SLC45A4: variants seen among roughly 807,000 people sequenced by gnomAD.
The protein encoded by SLC45A4 is polyamine-transporter SLC45A4.
Under a neutral mutation model 63.7 loss-of-function variants are expected in SLC45A4, and 32 were observed. The observed-to-expected ratio is 0.50, with a 90% CI of 0.38 to 0.67. The LOEUF is 0.67. SLC45A4 is among the 30% of genes least tolerant of loss of function. SLC45A4 has a pLI of 0.00. For missense variants in SLC45A4, 1,027 were observed against 1,157.7 expected, an observed-to-expected ratio of 0.89 and a Z score of 1.64; for synonymous variants, 535 against 510.0, an observed-to-expected ratio of 1.05 and a Z score of -0.66.
intron 2 of SLC45A4, among the ~76,000 whole-genome samples, chr8:141,244,953 T>TGGGGGGG (rs1332452740): frequency 3.6e-5 from 1 of 27,756 alleles, no homozygotes; most frequent in Non-Finnish European, 6.1e-5. Context: ...CAAGAAGACG[T>TGGGGGGG]GGGTGGGGGG....
At chr8:141,276,803 T>C (rs7823505) in intron 1 of SLC45A4, among the ~76,000 whole-genome samples, 1,847 of 152,316 alleles carry the variant, frequency 0.012, 35 homozygotes, top group African/African-American at 0.042. Context: ...CTCTACTTCT[T>C]GTCTGGGTAG....
chr8:141,228,350 G>A lies in SLC45A4; in HGVS notation c.242-6585C>T. 1.1e-5 allele frequency: 17 copies of A among 1,579,908 alleles called. No individual in the cohort carries two copies. The South Asian group carries it at 1.7e-4, about 16-fold the overall frequency. On this transcript the variant is annotated intron_variant, in intron 2 of 8. Coordinates refer to ENST00000517878, the MANE Select transcript of SLC45A4 (RefSeq NM_001286646.2). ...ACTGTTTCTCCTCTTCAACAAGGAG[G>A]GGCGCCTCAACAGCCTGGCTAGAGG...
At chr8:141,251,603 C>A (rs565675832) in intron 2 of SLC45A4, among the ~76,000 whole-genome samples, 4 of 152,020 alleles carry the variant, frequency 2.6e-5, no homozygotes, top group Non-Finnish European at 4.4e-5. Context: ...CGGTCTCCTA[C>A]GTCCGAGCCC....
Position 141,217,106 on chromosome 8 carries a change from A to G in SLC45A4, c.1713T>C (p.Thr571=), listed in dbSNP as rs1826200988. The change falls in exon 6 of 9, where the codon ACT becomes ACC. Residue 571 remains threonine (T), a synonymous_variant. Transcript: ENST00000517878. The part of the protein sequence containing the change: ...GCWGLVIYAA[T]GAICSALLQK... ...AGCTCTTACCTGAACAAATAGCACCAGTGGCGGCATAAATGACCAGGCCCC... is the reference window on the plus strand; with the variant it reads ...AGCTCTTACCTGAACAAATAGCACCGGTGGCGGCATAAATGACCAGGCCCC... 6.2e-7 allele frequency: 1 copy of G among 1,614,006 alleles called. No homozygotes were observed.
At position 141,211,455 on chromosome 8, in the gene SLC45A4, C is replaced by T; in HGVS notation, c.*117G>A. On this transcript the variant is annotated 3_prime_UTR_variant, in exon 9 of 9. Transcript: ENST00000517878. Reference sequence around the variant, plus strand: ...CACCCCTGCAAATCACTGTCTTCTGCCCAGGCCCCCCGGACCAGCCTCCTC... The same window carrying T: ...CACCCCTGCAAATCACTGTCTTCTGTCCAGGCCCCCCGGACCAGCCTCCTC... 5 of 1,592,532 alleles carry T rather than the reference C, an allele frequency of 3.1e-6. No individual in the cohort carries two copies. Among genetic ancestry groups the T allele is most frequent in the Non-Finnish European group, 3.4e-6 (4 of 1,169,108 alleles).
chr8:141,260,633 GA>G (rs1353609554), intron 1 of SLC45A4, among the ~76,000 whole-genome samples: 1 of 152,158 alleles, frequency 6.6e-6, no homozygotes, highest in Non-Finnish European at 1.5e-5. Context: ...AGAAGAAATG[GA>G]TAAATTCCTC....
At chr8:141,304,122 C>T (rs918831330) in intron 1 of SLC45A4, among the ~76,000 whole-genome samples, 1 of 152,140 alleles carries the variant, frequency 6.6e-6, no homozygotes, top group Non-Finnish European at 1.5e-5. Context: ...CAGCCCAGCC[C>T]CTCTAACTTA....
At chr8:141,214,882 C>T (rs555868121) in intron 7 of SLC45A4, among the ~76,000 whole-genome samples, 2 of 152,200 alleles carry the variant, frequency 1.3e-5, no homozygotes, top group Non-Finnish European at 2.9e-5. Flanking sequence ...AAGTCTTGAA[C>T]CCCCACCTCA....
chr8:141,282,801 G>A (rs1338552532), intron 1 of SLC45A4, among the ~76,000 whole-genome samples: 4 of 152,266 alleles, frequency 2.6e-5, no homozygotes, highest in East Asian at 1.9e-4. Flanking sequence ...CTGCAAGTCC[G>A]TGGGCCTGAG....
At chr8:141,281,859 A>G (rs550632832) in intron 1 of SLC45A4, among the ~76,000 whole-genome samples, 5 of 152,194 alleles carry the variant, frequency 3.3e-5, no homozygotes, top group South Asian at 2.1e-4. Flanking sequence ...CCTTAGGTTA[A>G]TAAGTGTTTC....
intron 1 of SLC45A4, among the ~76,000 whole-genome samples, chr8:141,304,556 CAAAAA>C (rs61384705): frequency 4.7e-4 from 60 of 127,392 alleles, no homozygotes; most frequent in Admixed American, 5.5e-4. Context: ...AAGACTGTCT[CAAAAA>C]AAAAAAAAAA....
chr8:141,243,827 T>C (rs578153105), intron 2 of SLC45A4, among the ~76,000 whole-genome samples: 5 of 152,260 alleles, frequency 3.3e-5, no homozygotes, highest in South Asian at 2.1e-4. Context: ...ACATAATGAA[T>C]AGGAAATACA....
chr8:141,237,613 C>A (rs1046620924), intron 2 of SLC45A4, among the ~76,000 whole-genome samples: 1 of 152,116 alleles, frequency 6.6e-6, no homozygotes, highest in Non-Finnish European at 1.5e-5. Flanking sequence ...GCCTCCAGGG[C>A]AAAAATCACA....
At position 141,235,635 on chromosome 8, in the gene SLC45A4, C is replaced by T. The variant is rs76514772; in HGVS notation, c.242-13870G>A. The stretch of plus-strand genomic sequence containing the variant: ...GCTTAGGTGTCAGGCCCTGGGTTTA[C>T]GGAAGAGGGAGAGAGGGGCAGGCAT... On this transcript the variant is annotated intron_variant, in intron 2 of 8. Transcript: ENST00000517878. 3.3e-3 allele frequency among the ~76,000 whole-genome samples: 507 copies of T among 152,168 alleles called. 5 individuals carry two copies. The highest frequency in any genetic ancestry group is 0.012 in the African/African-American group (487 of 41,518).
In SLC45A4 at chr8:141,211,487, T is replaced by G; in HGVS notation, c.*85A>C. The G allele has an allele frequency of 6.2e-7, 1 of 1,606,068 alleles. No homozygotes were observed. The highest frequency in any genetic ancestry group is 8.5e-7 in the Non-Finnish European group (1 of 1,176,324). On this transcript the variant is annotated 3_prime_UTR_variant, in exon 9 of 9. Coordinates refer to ENST00000517878, the MANE Select transcript of SLC45A4 (RefSeq NM_001286646.2). ...CCCCCGGACCAGCCTCCTCCCAGCTTTGGTGTGCGGTCGCTGCCCAAGGAC... is the reference window on the plus strand; with the variant it reads ...CCCCCGGACCAGCCTCCTCCCAGCTGTGGTGTGCGGTCGCTGCCCAAGGAC...
intron 1 of SLC45A4, among the ~76,000 whole-genome samples, chr8:141,303,681 C>T (rs1462582366): frequency 1.3e-5 from 2 of 152,190 alleles, no homozygotes; most frequent in African/African-American, 4.8e-5. Flanking sequence ...ACTACAAAAA[C>T]TCAGAGCAAG....
rs914615973 is a variant in SLC45A4 at position 141,210,931 on chromosome 8, T to C, written c.*641A>G. On this transcript the variant is annotated 3_prime_UTR_variant, in exon 9 of 9. Coordinates refer to ENST00000517878, the MANE Select transcript of SLC45A4 (RefSeq NM_001286646.2). ...GCAGTACTTGCCCGAGTTTTGCTTATTCGTTGAAACCAGAACGACTGTGCG... is the reference window on the plus strand; with the variant it reads ...GCAGTACTTGCCCGAGTTTTGCTTACTCGTTGAAACCAGAACGACTGTGCG... 1 of 153,000 alleles carries C rather than the reference T, an allele frequency of 6.5e-6. No homozygotes were observed. The highest frequency in any genetic ancestry group is 1.5e-5 in the Non-Finnish European group (1 of 68,426). The allele number at this position is 153,000 out of a possible 1,614,324, so 9.5% of individuals were successfully genotyped here. A position where few individuals can be genotyped will look rare whatever the true frequency, so the allele number is the denominator to read the frequency against.
At chr8:141,214,323 A>G (rs1208573284) in intron 7 of SLC45A4, among the ~76,000 whole-genome samples, 4 of 152,222 alleles carry the variant, frequency 2.6e-5, no homozygotes, top group African/African-American at 9.6e-5. Flanking sequence ...AGGCAAGGAA[A>G]ATAAGTAACA....
chr8:141,238,257 G>T lies in SLC45A4; in HGVS notation c.241+15732C>A, dbSNP rs71516609. On this transcript the variant is annotated intron_variant, in intron 2 of 8. Transcript: ENST00000517878. Reference sequence around the variant, plus strand: ...AAGCTATAAGTCTCCAGTCAGCAGGGAATCCAATTTTTAGCTTTGTAAAGT... The same window carrying T: ...AAGCTATAAGTCTCCAGTCAGCAGGTAATCCAATTTTTAGCTTTGTAAAGT... Among the ~76,000 whole-genome samples, 6 of 152,156 alleles carry T rather than the reference G, an allele frequency of 3.9e-5. No individual in the cohort carries two copies. The East Asian group carries it at 9.7e-4, about 24-fold the overall frequency.
Sources: gnomAD v4.1 joint callset for allele counts (sites outside exome capture counted in the v4.1 genomes callset) on GRCh38, gnomAD v4.1.1 for gene constraint, MANE v1.5 for transcripts, NCBI Gene and HGNC (gene_info 2026-07-23, HGNC 2026-07-21) for gene names.